Variants in AK7 observed in about 807,000 individuals in gnomAD.
The protein encoded by AK7 is ATP-AMP transphosphorylase 7.
A neutral mutation model predicts 96.6 loss-of-function variants in AK7; 78 were observed. The ratio of observed to expected loss-of-function variants is 0.81; its 90% CI spans 0.67 to 0.97. The LOEUF (loss-of-function observed/expected upper bound fraction) is 0.97. Ranked by LOEUF, AK7 falls within the 50% of genes least tolerant of loss-of-function variation. The pLI, the probability that AK7 is intolerant of heterozygous loss-of-function variation, is 0.00. For missense variants in AK7, 855 were observed against 887.9 expected (o/e 0.96, Z 0.47); for synonymous variants, 302 against 317.2 (o/e 0.95, Z 0.51).
At chr14:96,443,597 C>G (rs1893070426) in intron 7 of AK7, among the ~76,000 whole-genome samples, 1 of 152,102 alleles carries the variant, frequency 6.6e-6, no homozygotes, top group South Asian at 2.1e-4. Flanking sequence ...GAGCAGATCC[C>G]TTTCCAAGAC....
chr14:96,468,994 G>A (rs1021634472), intron 12 of AK7, among the ~76,000 whole-genome samples: 5 of 152,116 alleles, frequency 3.3e-5, no homozygotes, highest in Admixed American at 3.3e-4. Flanking sequence ...CAAGAGAAAG[G>A]CACTTGGACT....
chr14:96,476,136 C>A (rs1895165649), intron 14 of AK7, among the ~76,000 whole-genome samples: 1 of 152,274 alleles, frequency 6.6e-6, no homozygotes, highest in South Asian at 2.1e-4. Flanking sequence ...CAGTTTGATT[C>A]TTTGAAGACC....
At chr14:96,403,947 C>A (rs1890556454) in intron 2 of AK7, among the ~76,000 whole-genome samples, 1 of 151,808 alleles carries the variant, frequency 6.6e-6, no homozygotes, top group African/African-American at 2.4e-5. Context: ...GAGTTTGAGA[C>A]CAGCCTGGCC....
rs763292643 is a variant in AK7, at chr14:96,398,161, G to A, written c.192G>A (p.Leu64=). Residue 64 remains leucine (L), a synonymous_variant, in exon 2 of 18, where the codon CTG becomes CTA. Coordinates refer to ENST00000267584, the MANE Select transcript of AK7 (RefSeq NM_152327.5). The part of the protein sequence containing the change: ...EEEDENKSAM[L]EASSTKVKEG... The stretch of plus-strand genomic sequence containing the variant: ...AAGATGAAAATAAGTCAGCTATGCT[G>A]GAAGCTTCCTCAACCAAAGTGAAGG... The A allele has an allele frequency of 4.3e-6, 7 of 1,614,168 alleles. No homozygotes were observed. Among genetic ancestry groups the A allele is most frequent in the Non-Finnish European group, 5.9e-6 (7 of 1,180,030 alleles).
chr14:96,435,087 C>A (rs530947657), intron 5 of AK7, among the ~76,000 whole-genome samples: 4 of 152,228 alleles, frequency 2.6e-5, no homozygotes, highest in Middle Eastern at 3.4e-3. Context: ...CTCCTTGGTG[C>A]TCTACCTAAC....
intron 12 of AK7, among the ~76,000 whole-genome samples, chr14:96,470,650 G>A (rs1026455118): frequency 7.9e-5 from 12 of 152,188 alleles, no homozygotes; most frequent in African/African-American, 2.9e-4. Flanking sequence ...ACACGGAGAA[G>A]GGAGCCGTGT....
At chr14:96,425,041 C>T (rs983304497) in intron 5 of AK7, among the ~76,000 whole-genome samples, 3 of 152,150 alleles carry the variant, frequency 2.0e-5, no homozygotes, top group Non-Finnish European at 4.4e-5. Context: ...TTATCCCCAA[C>T]TTTCTTACTC....
At chr14:96,421,720 C>T (rs1311263641) in intron 5 of AK7, among the ~76,000 whole-genome samples, 1 of 151,978 alleles carries the variant, frequency 6.6e-6, no homozygotes. Context: ...ATTCTCCTGC[C>T]TCAGCCTCCC....
At chr14:96,470,550 A>G (rs1450888851) in intron 12 of AK7, among the ~76,000 whole-genome samples, 1 of 152,092 alleles carries the variant, frequency 6.6e-6, no homozygotes, top group Non-Finnish European at 1.5e-5. Flanking sequence ...CTCCCTCCTC[A>G]TCCTTCCCAA....
chr14:96,417,757 G>A (rs903418337), intron 4 of AK7, among the ~76,000 whole-genome samples: 7 of 152,062 alleles, frequency 4.6e-5, no homozygotes, highest in African/African-American at 1.4e-4. Flanking sequence ...TACCACCTCA[G>A]CCATTTTGTT....
intron 12 of AK7, among the ~76,000 whole-genome samples, chr14:96,460,410 TC>T (rs1262898442): frequency 6.6e-6 from 1 of 152,090 alleles, no homozygotes; most frequent in East Asian, 1.9e-4. Flanking sequence ...TTTCTGATCC[TC>T]CAGGGATCAA....
At chr14:96,472,975 G>A (rs549758786) in intron 14 of AK7, among the ~76,000 whole-genome samples, 13 of 152,024 alleles carry the variant, frequency 8.6e-5, no homozygotes, top group East Asian at 5.9e-4. Flanking sequence ...CTAGCTACTC[G>A]GGAGGCTAAG....
At chr14:96,425,094 G>A (rs2140052063) in intron 5 of AK7, among the ~76,000 whole-genome samples, 1 of 152,148 alleles carries the variant, frequency 6.6e-6, no homozygotes, top group Admixed American at 6.6e-5. Context: ...GGCCAATTTG[G>A]TCATCCCAAT....
intron 9 of AK7, among the ~76,000 whole-genome samples, chr14:96,450,103 C>A (rs961246351): frequency 6.6e-6 from 1 of 152,026 alleles, no homozygotes; most frequent in Non-Finnish European, 1.5e-5. Flanking sequence ...TCCTGAATAA[C>A]CCCCAGAGGT....
At chr14:96,423,416 G>A (rs1407844603) in intron 5 of AK7, among the ~76,000 whole-genome samples, 1 of 152,022 alleles carries the variant, frequency 6.6e-6, no homozygotes, top group Admixed American at 6.6e-5. Context: ...TTTAAATTCT[G>A]GGTTGCTATT....
intron 6 of AK7, among the ~76,000 whole-genome samples, chr14:96,439,991 T>G (rs1892876730): frequency 6.6e-6 from 1 of 152,168 alleles, no homozygotes; most frequent in Admixed American, 6.5e-5. Context: ...ATTTATTTAT[T>G]TAAAGAAGGA....
intron 4 of AK7, among the ~76,000 whole-genome samples, chr14:96,414,265 GATT>G (rs751281365): frequency 2.0e-5 from 3 of 152,196 alleles, no homozygotes; most frequent in Non-Finnish European, 4.4e-5. Flanking sequence ...AAACACAAAA[GATT>G]ATGCATGGGA....
chr14:96,398,970 T>TTC (rs1890245235), intron 2 of AK7: 1 of 147,244 alleles, frequency 6.8e-6, no homozygotes, highest in African/African-American at 2.4e-5. Flanking sequence ...TGGAGTGGCC[T>TTC]TCTCTCTTTT....
chr14:96,479,406 A>C (rs1305826199), intron 15 of AK7, among the ~76,000 whole-genome samples: 1 of 149,036 alleles, frequency 6.7e-6, no homozygotes, highest in East Asian at 2.0e-4. Context: ...TTTTTTAAAG[A>C]AATGTGTGTA....
Sources: gnomAD v4.1 joint callset for allele counts (sites outside exome capture counted in the v4.1 genomes callset) on GRCh38, gnomAD v4.1.1 for gene constraint, MANE v1.5 for transcripts, NCBI Gene and HGNC (gene_info 2026-07-23, HGNC 2026-07-21) for gene names.